Variants in SLC5A11 observed in about 807,000 individuals in gnomAD.
The protein encoded by SLC5A11 is solute carrier family 5 member 11, also known as sodium/myo-inositol cotransporter 2.
A neutral mutation model predicts 69.8 loss-of-function variants in SLC5A11; 48 were observed. That is an observed-to-expected ratio of 0.69 (90% confidence interval 0.55 to 0.87). The LOEUF is 0.87. SLC5A11 is among the 40% of genes least tolerant of loss of function. SLC5A11 has a pLI of 0.00. For missense variants in SLC5A11, 784 were observed against 866.1 expected (o/e 0.91, Z 1.19); for synonymous variants, 319 against 342.4 (o/e 0.93, Z 0.75).
At chr16:24,868,997 A>G (rs778721403) in intron 3 of SLC5A11, among the ~76,000 whole-genome samples, 3 of 151,374 alleles carry the variant, frequency 2.0e-5, no homozygotes, top group African/African-American at 4.9e-5. Context: ...CCTCCTGAAT[A>G]GCTGGGATTA....
At chr16:24,887,192 A>G (rs1341099849) in intron 8 of SLC5A11, among the ~76,000 whole-genome samples, 1 of 152,166 alleles carries the variant, frequency 6.6e-6, no homozygotes, top group East Asian at 1.9e-4. Context: ...AAGACTTAGT[A>G]AAGGGAGGAC....
At chr16:24,852,620 C>A (rs1246981905) in intron 1 of SLC5A11, among the ~76,000 whole-genome samples, 8 of 152,174 alleles carry the variant, frequency 5.3e-5, no homozygotes, top group Non-Finnish European at 1.0e-4. Flanking sequence ...CAAACATCAC[C>A]ATGCAAGGGA....
intron 5 of SLC5A11, 122 bp downstream of exon 6, chr16:24,872,341 C>A: frequency 8.8e-7 from 1 of 1,132,162 alleles, no homozygotes. Flanking sequence ...TCGATTGCCA[C>A]TCAGAGGCCC....
In SLC5A11 at chr16:24,906,711, C is replaced by A. The variant is rs200594115; in HGVS notation, c.1061C>A (p.Ser354Ter). The A allele has an allele frequency of 6.2e-7, 1 of 1,613,798 alleles. No individual in the cohort carries two copies. The highest frequency in any genetic ancestry group is 1.7e-5 in the Admixed American group (1 of 59,954). ...TGCCAGAAGATCTGCAGCAACCCCT[C>A]AGGCTGTTCGGACATCGCGTATCCC... Residue 354 changes from serine to a stop codon, truncating the protein, a stop_gained, in exon 11 of 16, where the codon TCA (serine) becomes TAA (stop). Transcript: ENST00000347898. LOFTEE classifies it high-confidence loss of function.
chr16:24,882,294 T>C (rs912586627), intron 7 of SLC5A11, among the ~76,000 whole-genome samples: 3 of 152,154 alleles, frequency 2.0e-5, no homozygotes, highest in African/African-American at 4.8e-5. Flanking sequence ...ATAGAAAGGA[T>C]GGTGGGGTTA....
intron 8 of SLC5A11, 112 bp from the exon 10 acceptor site, chr16:24,890,756 AC>A: frequency 1.0e-6 from 1 of 969,596 alleles, no homozygotes. Context: ...AAGGGGATTA[AC>A]ATTTTTGGTG....
chr16:24,896,670 A>C (rs2049186921), intron 9 of SLC5A11, among the ~76,000 whole-genome samples: 1 of 152,138 alleles, frequency 6.6e-6, no homozygotes, highest in African/African-American at 2.4e-5. Flanking sequence ...CATTTCATAG[A>C]TGAGGAATCA....
chr16:24,858,045 T>C (rs1025259082), intron 1 of SLC5A11, among the ~76,000 whole-genome samples: 1 of 152,216 alleles, frequency 6.6e-6, no homozygotes, highest in South Asian at 2.1e-4. Context: ...TGTCTCTGTG[T>C]CTCAACTTCA....
intron 1 of SLC5A11, among the ~76,000 whole-genome samples, chr16:24,851,336 A>G (rs1413284301): frequency 6.6e-6 from 1 of 150,862 alleles, no homozygotes; most frequent in Non-Finnish European, 1.5e-5. Flanking sequence ...AACATGGTGA[A>G]ACCCCATGTC....
intron 10 of SLC5A11, among the ~76,000 whole-genome samples, chr16:24,900,914 T>A (rs1435529647): frequency 7.7e-6 from 1 of 130,242 alleles, no homozygotes. Flanking sequence ...CAAGACCCTA[T>A]CTCTAAAAAA....
chr16:24,867,137 T>G (rs1453955511), intron 3 of SLC5A11, among the ~76,000 whole-genome samples: 4 of 152,172 alleles, frequency 2.6e-5, no homozygotes, highest in African/African-American at 9.6e-5. Context: ...AAGCCATAAA[T>G]AAATCTCAAG....
intron 1 of SLC5A11, among the ~76,000 whole-genome samples, chr16:24,852,142 T>C (rs541433698): frequency 1.4e-4 from 22 of 152,286 alleles, no homozygotes; most frequent in African/African-American, 5.3e-4. Context: ...GCTCTGTTTA[T>C]TTCCCTCCTT....
rs1307259453 is a variant in SLC5A11 at position 24,873,451 on chromosome 16, T to C, written c.372+1232T>C. On this transcript the variant is annotated intron_variant, in intron 5 of 15. Transcript: ENST00000347898. ...TTTGAGACCAGCCTGGGCAACACAG[T>C]GAGACCCCCATCTCTACAAAAATAA... Among the ~76,000 whole-genome samples, 8 of 151,872 alleles carry C rather than the reference T, an allele frequency of 5.3e-5. No individual in the cohort carries two copies. In the East Asian group the frequency reaches 1.6e-3, roughly 30 times the overall value.
exon 16 of SLC5A11, chr16:24,911,443 G>T (rs558181770): frequency 1.2e-6 from 2 of 1,614,094 alleles, no homozygotes; most frequent in Admixed American, 3.3e-5. Flanking sequence ...TAGTTTCCCT[G>T]GAAGAAAACC....
chr16:24,903,885 C>A (rs1351625770), intron 10 of SLC5A11, among the ~76,000 whole-genome samples: 1 of 152,132 alleles, frequency 6.6e-6, no homozygotes, highest in Non-Finnish European at 1.5e-5. Flanking sequence ...AATCCATTTT[C>A]ACACTGCTAT....
intron 6 of SLC5A11, 104 bp from the exon 8 acceptor site, chr16:24,877,154 T>C: frequency 1.3e-6 from 2 of 1,543,266 alleles, no homozygotes; most frequent in Non-Finnish European, 1.7e-6. Context: ...TCTGTGTTTG[T>C]CAGCATCTAG....
At chr16:24,905,287 A>C (rs994232568) in intron 10 of SLC5A11, among the ~76,000 whole-genome samples, 5 of 148,114 alleles carry the variant, frequency 3.4e-5, no homozygotes, top group African/African-American at 1.2e-4. Context: ...AAAAAAAAAA[A>C]AAAAAAAAAC....
rs1242405408 is a variant in SLC5A11 at position 24,862,897 on chromosome 16, TATATATTTATATAA to T, written c.207+246_207+259del. Among the ~76,000 whole-genome samples, 184 of 144,480 alleles carry T rather than the reference TATATATTTATATAA, an allele frequency of 1.3e-3. 2 individuals are homozygous for T. Among genetic ancestry groups the T allele is most frequent in the Admixed American group, 0.012 (171 of 13,946 alleles). The allele number at this position is 144,480 out of a possible 152,430, so 94.8% of individuals were successfully genotyped here. A position where few individuals can be genotyped will look rare whatever the true frequency, so the allele number is the denominator to read the frequency against. ...AAAATCTGGAGTTAGGTTTTAAAAA[TATATATTTATATAA>T]ATATATTTATATAAATATATATTAT... is the stretch of plus-strand genomic sequence containing the variant. On this transcript the variant is annotated intron_variant, in intron 3 of 15. Coordinates refer to ENST00000347898, the Ensembl canonical transcript of SLC5A11.
At chr16:24,854,695 G>A (rs2059453338) in intron 1 of SLC5A11, among the ~76,000 whole-genome samples, 1 of 152,072 alleles carries the variant, frequency 6.6e-6, no homozygotes, top group Non-Finnish European at 1.5e-5. Flanking sequence ...GCCTCCCAAA[G>A]TGCTGGAATT....
Sources: allele counts gnomAD v4.1 joint callset (sites outside exome capture counted in the v4.1 genomes callset), GRCh38; gene constraint gnomAD v4.1.1; transcripts MANE v1.5; gene names NCBI Gene and HGNC (gene_info 2026-07-23, HGNC 2026-07-21).